The following PRRC2B variants were observed in gnomAD, a reference collection of about 807,000 sequenced individuals.
PRRC2B encodes protein PRRC2B.
Under a neutral mutation model 242.3 loss-of-function variants are expected in PRRC2B, and 68 were observed. The observed-to-expected ratio is 0.28, with a 90% CI of 0.23 to 0.34. The LOEUF is 0.34. Among genes scored for constraint, PRRC2B ranks in the 10% least tolerant of loss-of-function variants. The pLI, the probability that PRRC2B is intolerant of heterozygous loss-of-function variation, is 1.00. For synonymous variants in PRRC2B, 1,228 were observed against 1,173.6 expected, an observed-to-expected ratio of 1.05 and a Z score of -0.95; for missense variants, 2,835 against 2,954.8, an observed-to-expected ratio of 0.96 and a Z score of 0.94.
intron 1 of PRRC2B, among the ~76,000 whole-genome samples, chr9:131,419,463 A>G (rs1169014879): frequency 1.3e-5 from 2 of 152,178 alleles, no homozygotes; most frequent in African/African-American, 2.4e-5. Context: ...ACCCAGCACC[A>G]CCCAGAGCAG....
chr9:131,400,358 G>A lies in PRRC2B; in HGVS notation c.-52+6095G>A, dbSNP rs1269757291. ...TTTTGAGATGGCATCTTGTTCTGTT[G>A]CGCAGGCTGGAGTGCAGCCGTGCGA... is the stretch of plus-strand genomic sequence containing the variant. On this transcript the variant is annotated intron_variant, in intron 1 of 31. Coordinates refer to ENST00000683519, the MANE Select transcript of PRRC2B (RefSeq NM_013318.4). Among the ~76,000 whole-genome samples, 5 of 150,350 alleles carry A rather than the reference G, an allele frequency of 3.3e-5. No individual in the cohort carries two copies. The South Asian group carries it at 6.3e-4, about 19-fold the overall frequency.
chr9:131,406,822 ACAAAC>A (rs1327281987), intron 1 of PRRC2B, among the ~76,000 whole-genome samples: 1 of 152,128 alleles, frequency 6.6e-6, no homozygotes, highest in Non-Finnish European at 1.5e-5. Flanking sequence ...CAGCCTTGCT[ACAAAC>A]ATCAAGCTCC....
intron 1 of PRRC2B, among the ~76,000 whole-genome samples, chr9:131,428,979 GC>G (rs745663171): frequency 6.6e-5 from 10 of 152,062 alleles, no homozygotes; most frequent in Non-Finnish European, 1.3e-4. Context: ...TTTTTAAGAT[GC>G]AGTCTCGCTC....
intron 9 of PRRC2B, 130 bp downstream of exon 9, chr9:131,447,934 A>T: frequency 2.2e-6 from 2 of 924,836 alleles, no homozygotes; most frequent in South Asian, 5.2e-5. Flanking sequence ...CCGGACAGGG[A>T]AGCAGACCTG....
chr9:131,447,872 A>T, intron 9 of PRRC2B, 68 bp downstream of exon 9: 2 of 1,495,372 alleles, frequency 1.3e-6, no homozygotes, highest in Non-Finnish European at 1.8e-6. Context: ...CCAGGGATGG[A>T]AACCCCCTGG....
At chr9:131,401,496 C>G (rs951387662) in intron 1 of PRRC2B, among the ~76,000 whole-genome samples, 63 of 151,470 alleles carry the variant, frequency 4.2e-4, no homozygotes, top group Middle Eastern at 6.8e-3. Context: ...ATTACAGGCA[C>G]ACGCCACCAC....
rs1168879009 is a variant in PRRC2B at position 131,449,939 on chromosome 9, C to T, written c.1120+2135C>T. ...GAGTCAAGGTTTGTTTTTTCCCATACGGCCAATTCTCCACAACATTTGTTG... is the reference window on the plus strand; with the variant it reads ...GAGTCAAGGTTTGTTTTTTCCCATATGGCCAATTCTCCACAACATTTGTTG... On this transcript the variant is annotated intron_variant, in intron 9 of 31. Transcript: ENST00000683519. 5.3e-5 allele frequency among the ~76,000 whole-genome samples: 8 copies of T among 152,256 alleles called. No homozygotes were observed. In the East Asian group the frequency reaches 9.7e-4, roughly 18 times the overall value.
chr9:131,493,637 G>A (rs542678035), intron 30 of PRRC2B, among the ~76,000 whole-genome samples: 13 of 152,220 alleles, frequency 8.5e-5, no homozygotes, highest in Non-Finnish European at 1.2e-4. Context: ...GGTGTTTTAG[G>A]GGGGTTGGGG....
intron 1 of PRRC2B, among the ~76,000 whole-genome samples, chr9:131,385,938 C>T (rs1278406594): frequency 6.7e-6 from 1 of 150,374 alleles, no homozygotes; most frequent in East Asian, 2.0e-4. Flanking sequence ...CGTGATCCGC[C>T]CACCTCGGCC....
chr9:131,485,735 G>T (rs570106034), intron 25 of PRRC2B: 6 of 580,114 alleles, frequency 1.0e-5, no homozygotes, highest in Admixed American at 9.4e-5. Context: ...AGATGAAGAG[G>T]ACAGTGACTG....
At chr9:131,393,238 G>A (rs912386928), upstream of PRRC2B, among the ~76,000 whole-genome samples, 3 of 152,224 alleles carry the variant, frequency 2.0e-5, no homozygotes, top group Admixed American at 6.5e-5. Context: ...GGCATGGCCC[G>A]CAGCTGGTGC....
chr9:131,443,578 C>T (rs536496724), intron 5 of PRRC2B, among the ~76,000 whole-genome samples: 6 of 152,228 alleles, frequency 3.9e-5, no homozygotes, highest in African/African-American at 1.4e-4. Flanking sequence ...GGACTACAGG[C>T]GCCCGCCACC....
chr9:131,487,289 C>G lies in PRRC2B; in HGVS notation c.5979C>G (p.Pro1993=). ...AGGAGATCTTCAGCTCCTTGCAGCC[C>G]TTCAGGTGAGCTCATGTACCAGCTT... The part of the protein sequence containing the change: ...QSQEIFSSLQ[P]FRSQVYMHPS... The change falls in exon 27 of 32, where the codon CCC becomes CCG. Residue 1993 remains proline, a synonymous_variant. Transcript: ENST00000683519. The surrounding 1 kb of genome is among the most constrained non-coding windows in gnomAD (Gnocchi z 5.3). 3 of 1,606,314 alleles carry G rather than the reference C, an allele frequency of 1.9e-6. No individual in the cohort carries two copies. Among genetic ancestry groups the G allele is most frequent in the Non-Finnish European group, 2.6e-6 (3 of 1,175,212 alleles).
intron 1 of PRRC2B, among the ~76,000 whole-genome samples, chr9:131,427,373 C>T (rs1239835871): frequency 6.6e-6 from 1 of 151,998 alleles, no homozygotes; most frequent in Non-Finnish European, 1.5e-5. Context: ...CTCTGTTGCC[C>T]AGGCTGGAGT....
At position 131,475,370 on chromosome 9, in the gene PRRC2B, G is replaced by C; in HGVS notation, c.3241G>C (p.Ala1081Pro). 6.3e-7 allele frequency: 1 copy of C among 1,586,864 alleles called. No homozygotes were observed. Among genetic ancestry groups the C allele is most frequent in the South Asian group, 1.1e-5 (1 of 87,492 alleles). Residue 1081 changes from alanine (A) to proline (P), a missense_variant, in exon 16 of 32, where the codon GCT becomes CCT. Coordinates refer to ENST00000683519, the MANE Select transcript of PRRC2B (RefSeq NM_013318.4). ...FREFTFRGRP[A>P]GGNGSGLCGG... ...AGAGTTCACTTTTCGTGGTCGGCCT[G>C]CTGGCGGAAATGGGAGCGGCCTCTG...
At chr9:131,447,230 C>G in intron 8 of PRRC2B, 24 bp downstream of exon 8, 1 of 1,613,618 alleles carries the variant, frequency 6.2e-7, no homozygotes, top group Admixed American at 1.7e-5. Context: ...ATTACAGTCA[C>G]GTGTGTAGAG....
intron 9 of PRRC2B, among the ~76,000 whole-genome samples, chr9:131,449,010 A>T (rs1314069251): frequency 6.6e-6 from 1 of 152,080 alleles, no homozygotes; most frequent in Non-Finnish European, 1.5e-5. Context: ...TTTACCCTAG[A>T]TTAGTTTTGC....
rs141028672 is a variant in PRRC2B at position 131,434,399 on chromosome 9, G to A, written c.293+1605G>A. Among the ~76,000 whole-genome samples the A allele has an allele frequency of 4.0e-3, 614 of 152,364 alleles. 6 individuals carry two copies. Among genetic ancestry groups the A allele is most frequent in the African/African-American group, 0.014 (592 of 41,586 alleles). The stretch of plus-strand genomic sequence containing the variant: ...GGGCTAGTTGTGCTGGAGCACGTCC[G>A]CCAGGGAAGAGGTGAGGATGGAGTG... On this transcript the variant is annotated intron_variant, in intron 3 of 31. Transcript: ENST00000683519.
intron 14 of PRRC2B, among the ~76,000 whole-genome samples, chr9:131,471,425 A>G (rs111757262): frequency 0.014 from 2,166 of 152,168 alleles, 42 homozygotes; most frequent in African/African-American, 0.047. Context: ...AAATATTATC[A>G]TATACTTAGT....
Sources: allele counts gnomAD v4.1 joint callset (sites outside exome capture counted in the v4.1 genomes callset), GRCh38; gene constraint gnomAD v4.1.1; non-coding constraint Gnocchi (gnomAD v3.1); transcripts MANE v1.5; gene names NCBI Gene and HGNC (gene_info 2026-07-23, HGNC 2026-07-21).